PID1: variants seen among roughly 807,000 people sequenced by gnomAD.
The protein encoded by PID1 is PTB-containing, cubilin and LRP1-interacting protein.
A neutral mutation model predicts 19.1 loss-of-function variants in PID1; 10 were observed. The observed-to-expected ratio is 0.52, with a 90% confidence interval of 0.32 to 0.89. The LOEUF (loss-of-function observed/expected upper bound fraction) is 0.89, where lower values mean the gene tolerates loss of function less well. Ranked by LOEUF, PID1 falls within the 40% of genes least tolerant of loss-of-function variation. The probability of loss-of-function intolerance (pLI) is 0.03; values close to 1 mark genes in which losing one functional copy is unlikely to be tolerated. For missense variants in PID1, 248 were observed against 285.3 expected (o/e 0.87, Z 0.94); for synonymous variants, 130 against 116.0 (o/e 1.12, Z -0.78).
chr2:229,163,675 G>GTGTGTGCGCA (rs751757150), intron 1 of PID1, among the ~76,000 whole-genome samples: 116 of 20,178 alleles, frequency 5.7e-3, no homozygotes, highest in Non-Finnish European at 0.047. Context: ...GTGTGTGTGT[G>GTGTGTGCGCA]CGTGTGCGTG....
At chr2:229,069,322 C>A (rs1694404223) in intron 2 of PID1, among the ~76,000 whole-genome samples, 1 of 151,884 alleles carries the variant, frequency 6.6e-6, no homozygotes, top group Admixed American at 6.6e-5. Flanking sequence ...TTTTAGGTTC[C>A]AAGATTTGAA....
intron 2 of PID1, 82 bp downstream of exon 2, chr2:229,155,736 C>T: frequency 1.3e-5 from 16 of 1,207,834 alleles, no homozygotes; most frequent in South Asian, 7.9e-5. Flanking sequence ...AAATGATTAC[C>T]ATTGTGAAAC....
Position 229,025,475 on chromosome 2 carries a change from C to T in PID1, c.*157G>A, listed in dbSNP as rs1693393391. ...ATGTAACGTAATTACTTTAATGATA[C>T]ATTTCTTTAGATTTAGAATTGCTCT... On this transcript the variant is annotated 3_prime_UTR_variant, in exon 3 of 3. Transcript: ENST00000392055. The T allele has an allele frequency of 3.1e-6, 2 of 644,930 alleles. No homozygotes were observed. Among genetic ancestry groups the T allele is most frequent in the Admixed American group, 2.7e-5 (1 of 37,650 alleles). 40.0% of individuals were successfully genotyped at this position (644,930 alleles called of 1,614,324 possible). A position where few individuals can be genotyped will look rare whatever the true frequency, so the allele number is the denominator to read the frequency against.
At chr2:229,081,510 A>C (rs1694668566) in intron 2 of PID1, among the ~76,000 whole-genome samples, 1 of 152,232 alleles carries the variant, frequency 6.6e-6, no homozygotes, top group South Asian at 2.1e-4. Flanking sequence ...TTTAGCAGCC[A>C]GCAGAGAGCC....
In PID1 at chr2:229,025,922, T is replaced by C. The variant is rs555758096; in HGVS notation, c.364A>G (p.Thr122Ala). Residue 122 changes from threonine (T) to alanine (A), a missense_variant, in exon 3 of 3, where the codon ACA becomes GCA. Thr to Ala is a moderately conservative substitution (Grantham distance 58). Coordinates refer to ENST00000392055, the MANE Select transcript of PID1 (RefSeq NM_001100818.2). ...ACCTGGAAGGTATCCATGTGCACTG[T>C]GGCCTCCCCTTTGTGGTCGAGATGA... is the stretch of plus-strand genomic sequence containing the variant. Reference protein sequence around the residue: ...LHHLDHKGEATVHMDTFQVAR... With the variant: ...LHHLDHKGEAAVHMDTFQVAR... 2.5e-6 allele frequency: 4 copies of C among 1,614,148 alleles called. No individual in the cohort carries two copies. The highest frequency in any genetic ancestry group is 3.3e-5 in the Admixed American group (2 of 60,030).
At chr2:229,079,881 G>A (rs947123253) in intron 2 of PID1, among the ~76,000 whole-genome samples, 4 of 152,208 alleles carry the variant, frequency 2.6e-5, no homozygotes, top group Non-Finnish European at 5.9e-5. Context: ...TATTCTGGAG[G>A]AGGGCAGTGA....
intron 1 of PID1, among the ~76,000 whole-genome samples, chr2:229,264,612 G>A (rs1189205915): frequency 6.6e-6 from 1 of 152,200 alleles, no homozygotes; most frequent in African/African-American, 2.4e-5. Context: ...AGAATAAAAG[G>A]AGCTTCCCCA....
chr2:229,260,299 C>T (rs1690422422), intron 1 of PID1, among the ~76,000 whole-genome samples: 1 of 151,860 alleles, frequency 6.6e-6, no homozygotes, highest in African/African-American at 2.4e-5. Context: ...TGAACACAAC[C>T]TAAATACTCC....
chr2:229,071,176 A>G (rs1461573896), intron 2 of PID1, among the ~76,000 whole-genome samples: 1 of 152,238 alleles, frequency 6.6e-6, no homozygotes, highest in Non-Finnish European at 1.5e-5. Context: ...GACCAGAGAC[A>G]TCGCTGAGTT....
At chr2:229,121,530 G>T (rs1574645707) in intron 2 of PID1, among the ~76,000 whole-genome samples, 1 of 152,288 alleles carries the variant, frequency 6.6e-6, no homozygotes, top group South Asian at 2.1e-4. Flanking sequence ...AGAAAAGGGA[G>T]TTGGATAAGA....
intron 2 of PID1, among the ~76,000 whole-genome samples, chr2:229,034,307 C>T (rs540643753): frequency 6.6e-6 from 1 of 152,296 alleles, no homozygotes; most frequent in Non-Finnish European, 1.5e-5. Flanking sequence ...CCAGGACTTA[C>T]TCTATGCCAG....
At chr2:229,047,443 G>A (rs1195749557) in intron 2 of PID1, among the ~76,000 whole-genome samples, 1 of 152,132 alleles carries the variant, frequency 6.6e-6, no homozygotes, top group Non-Finnish European at 1.5e-5. Flanking sequence ...ATCACACTAA[G>A]TAATGATCTA....
intron 1 of PID1, among the ~76,000 whole-genome samples, chr2:229,210,747 T>C (rs1014318295): frequency 6.6e-6 from 1 of 152,020 alleles, no homozygotes; most frequent in African/African-American, 2.4e-5. Context: ...GCAGTGAACT[T>C]TGGCAGTTCA....
rs1690609834 is a variant in PID1 at position 229,166,980 on chromosome 2, AG to A, written c.31-11017del. Among the ~76,000 whole-genome samples the A allele has an allele frequency of 7.4e-5, 11 of 149,002 alleles. No homozygotes were observed. The South Asian group carries it at 2.5e-3, about 34-fold the overall frequency. On this transcript the variant is annotated intron_variant, in intron 1 of 2. Transcript: ENST00000392055. ...AGAAAAGAAAGGAAGGGGAAGGGGA[AG>A]GGGAAGGGGAAGTGGAAGGGGAAGG...
At chr2:229,103,813 G>A (rs1215210968) in intron 2 of PID1, among the ~76,000 whole-genome samples, 1 of 151,952 alleles carries the variant, frequency 6.6e-6, no homozygotes, top group Admixed American at 6.6e-5. Context: ...TCCTGACCTC[G>A]TGATCCACCC....
chr2:229,028,977 A>T (rs1693485801), intron 2 of PID1, among the ~76,000 whole-genome samples: 1 of 152,134 alleles, frequency 6.6e-6, no homozygotes, highest in Non-Finnish European at 1.5e-5. Context: ...AACCCCTCTG[A>T]CTACTCCTAC....
intron 1 of PID1, among the ~76,000 whole-genome samples, chr2:229,216,965 G>T (rs1333917622): frequency 6.6e-5 from 10 of 152,038 alleles, no homozygotes; most frequent in Admixed American, 6.6e-4. Flanking sequence ...GAATTTTATT[G>T]GGGTATAATT....
At chr2:229,150,778 G>A (rs921198249) in intron 2 of PID1, among the ~76,000 whole-genome samples, 3 of 151,022 alleles carry the variant, frequency 2.0e-5, no homozygotes, top group Admixed American at 6.6e-5. Context: ...ATAGGAACTC[G>A]GTGGGCATTT....
chr2:229,225,395 C>T (rs573975108), intron 1 of PID1, among the ~76,000 whole-genome samples: 4 of 152,130 alleles, frequency 2.6e-5, no homozygotes, highest in Admixed American at 6.5e-5. Context: ...CCTTCACTTG[C>T]TCTCAGGCTT....
Sources: gnomAD v4.1 joint callset for allele counts (sites outside exome capture counted in the v4.1 genomes callset) on GRCh38, gnomAD v4.1.1 for gene constraint, MANE v1.5 for transcripts, NCBI Gene and HGNC (gene_info 2026-07-23, HGNC 2026-07-21) for gene names.